Variants in ADGB observed in about 807,000 individuals in gnomAD.
ADGB encodes calpain-7-like protein.
In ADGB, 172 loss-of-function variants were observed where a neutral mutation model predicts 210.5. That is an observed-to-expected ratio of 0.82 (90% CI 0.72 to 0.93). The LOEUF is 0.93. Among genes scored for constraint, ADGB ranks in the 40% least tolerant of loss-of-function variants. The pLI is 0.00. For missense variants in ADGB, 2,025 were observed against 1,964.8 expected, an observed-to-expected ratio of 1.03 and a Z score of -0.58; for synonymous variants, 658 against 662.7, an observed-to-expected ratio of 0.99 and a Z score of 0.11.
intron 32 of ADGB, among the ~76,000 whole-genome samples, chr6:146,786,587 A>G (rs983809849): frequency 3.9e-5 from 6 of 152,200 alleles, no homozygotes; most frequent in African/African-American, 1.4e-4. Flanking sequence ...TATAGCAACT[A>G]TGAGGTATGT....
chr6:146,697,144 C>T (rs1489686559), intron 12 of ADGB, among the ~76,000 whole-genome samples: 1 of 152,116 alleles, frequency 6.6e-6, no homozygotes, highest in Non-Finnish European at 1.5e-5. Context: ...GGAACCCACA[C>T]TCACTAATAT....
At chr6:146,647,088 C>G (rs1193849763) in intron 3 of ADGB, among the ~76,000 whole-genome samples, 1 of 110,802 alleles carries the variant, frequency 9.0e-6, no homozygotes, top group African/African-American at 3.5e-5. Context: ...GAGCCTGTCT[C>G]AAAAAAAAAC....
chr6:146,674,747 G>C (rs1232664260), intron 8 of ADGB, among the ~76,000 whole-genome samples: 25 of 152,178 alleles, frequency 1.6e-4, no homozygotes, highest in Non-Finnish European at 2.9e-5. Flanking sequence ...TTTATTCAGA[G>C]TGGGGTTTTG....
rs530354954 is a variant in ADGB, at chr6:146,638,745, A to G, written c.237+3208A>G. The G allele has an allele frequency of 2.1e-5, 3 of 142,922 alleles. No individual in the cohort carries two copies. The East Asian group carries it at 6.3e-4, about 30-fold the overall frequency. 8.9% of individuals were successfully genotyped at this position (142,922 alleles called of 1,614,324 possible). On this transcript the variant is annotated intron_variant, in intron 2 of 35. Transcript: ENST00000397944. ...ATTGTGCACATGTACCCTAAAACTT[A>G]AAGTATAATAAAAAAAAAACTGTTC... is the stretch of plus-strand genomic sequence containing the variant.
chr6:146,784,134 C>T (rs544982202), intron 30 of ADGB, among the ~76,000 whole-genome samples: 1 of 151,360 alleles, frequency 6.6e-6, no homozygotes, highest in South Asian at 2.1e-4. Context: ...TAGATAATTC[C>T]CGAGTTTATG....
chr6:146,624,893 G>C (rs931469579), intron 1 of ADGB, among the ~76,000 whole-genome samples: 21 of 151,838 alleles, frequency 1.4e-4, no homozygotes, highest in African/African-American at 4.8e-4. Flanking sequence ...AGATCATTTT[G>C]TTTGTGATTT....
chr6:146,709,655 A>G (rs1203856430), intron 13 of ADGB, among the ~76,000 whole-genome samples: 2 of 152,128 alleles, frequency 1.3e-5, no homozygotes, highest in South Asian at 4.1e-4. Flanking sequence ...ACCAGGGTCT[A>G]TTGGGTGGCC....
chr6:146,691,650 T>A (rs938279898), intron 11 of ADGB, among the ~76,000 whole-genome samples: 1 of 146,934 alleles, frequency 6.8e-6, no homozygotes, highest in Non-Finnish European at 1.5e-5. Flanking sequence ...TGGAAGCCTA[T>A]GTTTAATTTT....
intron 23 of ADGB, among the ~76,000 whole-genome samples, chr6:146,739,679 T>G (rs1160719537): frequency 1.3e-5 from 2 of 152,206 alleles, no homozygotes; most frequent in African/African-American, 4.8e-5. Flanking sequence ...CCTCTGGCTC[T>G]GTCTAGACCT....
chr6:146,679,419 C>T (rs1776128117), intron 9 of ADGB, among the ~76,000 whole-genome samples: 1 of 152,194 alleles, frequency 6.6e-6, no homozygotes, highest in African/African-American at 2.4e-5. Flanking sequence ...TATCCATTCA[C>T]ATCTCTCATC....
Position 146,769,140 on chromosome 6 carries a change from C to T in ADGB, c.3862+9C>T, listed in dbSNP as rs530154599. ...GAAAAGTAATACCAAAGGTATGTCA[C>T]CCTAAATGTTTAAACATGCACTTTA... On this transcript the variant is annotated intron_variant, in intron 29 of 35. Coordinates refer to ENST00000397944, the MANE Select transcript of ADGB (RefSeq NM_024694.4). 7.2e-5 allele frequency: 102 copies of T among 1,410,868 alleles called. 1 individual carries two copies. In the African/African-American group the frequency reaches 1.3e-3, roughly 18 times the overall value. 87.4% of individuals were successfully genotyped at this position (1,410,868 alleles called of 1,614,324 possible).
chr6:146,764,030 G>C lies in ADGB; in HGVS notation c.3680G>C (p.Gly1227Ala). 1 of 1,551,444 alleles carries C rather than the reference G, an allele frequency of 6.4e-7. No individual in the cohort carries two copies. Among genetic ancestry groups the C allele is most frequent in the Non-Finnish European group, 8.7e-7 (1 of 1,146,844 alleles). The part of the protein sequence containing the change: ...GRAVSAIQDI[G>A]LPLVEEETTS... ...GCTGTAAGTGCAATACAAGACATTGGTCTACCCCTTGTGGAGGAGGAAACT... is the reference window on the plus strand; with the variant it reads ...GCTGTAAGTGCAATACAAGACATTGCTCTACCCCTTGTGGAGGAGGAAACT... The change falls in exon 28 of 36, where the codon GGT (glycine) becomes GCT (alanine). Residue 1227 changes from glycine (G) to alanine (A), a missense_variant. Physicochemically the swap from Gly to Ala is moderately conservative, Grantham distance 60. Coordinates refer to ENST00000397944, the MANE Select transcript of ADGB (RefSeq NM_024694.4).
intron 27 of ADGB, 54 bp from the exon 28 acceptor site, chr6:146,763,847 A>T: frequency 7.1e-7 from 1 of 1,413,314 alleles, no homozygotes; most frequent in South Asian, 1.4e-5. Flanking sequence ...TTTAGTCAGT[A>T]ATAACTATGT....
rs1245982641 is a variant in ADGB at position 146,733,833 on chromosome 6, G to T, written c.2657-60G>T. ...GAGGGCTTTGGCAGCTGAAGGCGTT[G>T]AAACTTAGGGAAGGGATTAAATATA... On this transcript the variant is annotated intron_variant, in intron 21 of 35. Transcript: ENST00000397944. 3.2e-6 allele frequency: 5 copies of T among 1,543,072 alleles called. No individual in the cohort carries two copies. In the African/African-American group the frequency reaches 4.1e-5, roughly 13 times the overall value.
At chr6:146,702,870 A>G (rs745912306) in intron 13 of ADGB, among the ~76,000 whole-genome samples, 6 of 151,960 alleles carry the variant, frequency 3.9e-5, no homozygotes, top group Non-Finnish European at 5.9e-5. Context: ...ATTCTATTGG[A>G]ATTTTAAAAT....
intron 12 of ADGB, among the ~76,000 whole-genome samples, chr6:146,697,748 G>T (rs1168595065): frequency 6.6e-6 from 1 of 152,134 alleles, no homozygotes; most frequent in Admixed American, 6.6e-5. Flanking sequence ...AATCTTAACG[G>T]CCAAAAGAAT....
chr6:146,725,304 C>G (rs1031444380), intron 18 of ADGB: 3 of 152,258 alleles, frequency 2.0e-5, no homozygotes, highest in African/African-American at 7.2e-5. Context: ...CAGTCCCCAA[C>G]TCCAGAGCCA....
intron 26 of ADGB, among the ~76,000 whole-genome samples, chr6:146,749,030 G>C (rs1196962391): frequency 6.6e-6 from 1 of 152,166 alleles, no homozygotes; most frequent in Admixed American, 6.6e-5. Context: ...ACAGATCTTT[G>C]GTGGTAGGCG....
intron 31 of ADGB, 47 bp from the exon 32 acceptor site, chr6:146,785,563 G>A: frequency 6.9e-7 from 1 of 1,457,040 alleles, no homozygotes; most frequent in East Asian, 2.5e-5. Context: ...TGTACTGGTT[G>A]TTGCTTTTGA....
Sources: allele counts gnomAD v4.1 joint callset (sites outside exome capture counted in the v4.1 genomes callset), GRCh38; gene constraint gnomAD v4.1.1; transcripts MANE v1.5; gene names NCBI Gene and HGNC (gene_info 2026-07-23, HGNC 2026-07-21).